EGFR: variants seen among roughly 807,000 people sequenced by gnomAD.
EGFR encodes the protein avian erythroblastic leukemia viral (v-erb-b) oncogene homolog.
In EGFR, 58 loss-of-function variants were observed where a neutral mutation model predicts 143.0. That is an observed-to-expected ratio of 0.41 (90% CI 0.33 to 0.50). EGFR has a LOEUF of 0.50. Ranked by LOEUF, EGFR falls within the 20% of genes least tolerant of loss-of-function variation. EGFR has a pLI of 0.39. For synonymous variants in EGFR, 613 were observed against 594.4 expected (o/e 1.03, Z -0.45); for missense variants, 1,307 against 1,579.0 (o/e 0.83, Z 2.92).
intron 1 of EGFR, 32 bp downstream of exon 1, chr7:55,019,397 C>CCCCCGGATCGCG: frequency 7.4e-7 from 1 of 1,348,930 alleles, no homozygotes; most frequent in South Asian, 1.6e-5. Context: ...TCCCGCGCCG[C>CCCCCGGATCGCG]CCCCGGATCG....
intron 1 of EGFR, 78 bp downstream of exon 1, chr7:55,019,443 G>A: frequency 3.2e-6 from 3 of 946,522 alleles, no homozygotes; most frequent in East Asian, 4.9e-5. Context: ...ACCGCGCACC[G>A]GCGCACCGGC....
intron 1 of EGFR, among the ~76,000 whole-genome samples, chr7:55,079,784 C>T (rs893930425): frequency 3.3e-5 from 5 of 151,944 alleles, no homozygotes; most frequent in Non-Finnish European, 7.4e-5. Flanking sequence ...CCCAGTAGTC[C>T]GTGAAAATCC....
intron 22 of EGFR, among the ~76,000 whole-genome samples, chr7:55,196,810 G>A (rs971844130): frequency 6.6e-6 from 1 of 150,858 alleles, no homozygotes; most frequent in Middle Eastern, 3.4e-3. Flanking sequence ...CTTTGTCAAC[G>A]ATCACATGGT....
intron 22 of EGFR, among the ~76,000 whole-genome samples, chr7:55,196,800 C>A: frequency 6.7e-6 from 1 of 148,866 alleles, no homozygotes; most frequent in East Asian, 2.0e-4. Flanking sequence ...TTTTTGTCAA[C>A]TTTGTCAACG....
chr7:55,157,124 A>C (rs899994356), intron 10 of EGFR, among the ~76,000 whole-genome samples: 20 of 152,068 alleles, frequency 1.3e-4, no homozygotes, highest in Admixed American at 2.6e-4. Flanking sequence ...GGGAGGGGAC[A>C]GGGGTAGGTG....
intron 1 of EGFR, among the ~76,000 whole-genome samples, chr7:55,033,967 A>G (rs1787413964): frequency 6.6e-6 from 1 of 152,038 alleles, no homozygotes; most frequent in Non-Finnish European, 1.5e-5. Context: ...GACGACTGTG[A>G]CTGGCCCATT....
chr7:55,059,000 A>C (rs1012459286), intron 1 of EGFR, among the ~76,000 whole-genome samples: 13 of 152,214 alleles, frequency 8.5e-5, no homozygotes, highest in Non-Finnish European at 1.3e-4. Context: ...GAAAAATCTG[A>C]ATTGTAATCC....
chr7:55,105,711 T>C (rs1198709096), intron 1 of EGFR, among the ~76,000 whole-genome samples: 3 of 152,196 alleles, frequency 2.0e-5, no homozygotes, highest in Non-Finnish European at 4.4e-5. Flanking sequence ...AAAACATCAG[T>C]CTAATCAGGG....
intron 1 of EGFR, among the ~76,000 whole-genome samples, chr7:55,123,025 G>A (rs1237201866): frequency 6.6e-6 from 1 of 152,238 alleles, no homozygotes; most frequent in Non-Finnish European, 1.5e-5. Flanking sequence ...TAATTCACAT[G>A]GTGGGATATT....
At chr7:55,071,777 T>C (rs1789847653) in intron 1 of EGFR, among the ~76,000 whole-genome samples, 1 of 152,242 alleles carries the variant, frequency 6.6e-6, no homozygotes, top group South Asian at 2.1e-4. Context: ...CAAATTATAT[T>C]TGAGAGAGAA....
At chr7:55,197,783 T>C (rs1170186926) in intron 22 of EGFR, among the ~76,000 whole-genome samples, 1 of 152,252 alleles carries the variant, frequency 6.6e-6, no homozygotes, top group African/African-American at 2.4e-5. Flanking sequence ...TAGTTCTGTT[T>C]GTGTGGTGAA....
chr7:55,132,215 G>A (rs1358564481), intron 1 of EGFR, among the ~76,000 whole-genome samples: 1 of 152,142 alleles, frequency 6.6e-6, no homozygotes, highest in Non-Finnish European at 1.5e-5. Context: ...TCTTGGGCTA[G>A]GGGTGGATAT....
Position 55,145,792 on chromosome 7 carries a change from G to T in EGFR, c.425-814G>T, listed in dbSNP as rs148680563. Among the ~76,000 whole-genome samples the T allele has an allele frequency of 2.6e-3, 394 of 152,268 alleles. 3 individuals are homozygous for T. The highest frequency in any genetic ancestry group is 9.0e-3 in the African/African-American group (374 of 41,546). On this transcript the variant is annotated intron_variant, in intron 3 of 27. Transcript: ENST00000275493. ...AAGGTACCCAGCCTCACTGTGTCAG[G>T]GTCTCCCTGGGCATGAGGTGGTTAG...
chr7:55,082,782 T>G (rs1790536580), intron 1 of EGFR, among the ~76,000 whole-genome samples: 1 of 152,212 alleles, frequency 6.6e-6, no homozygotes, highest in South Asian at 2.1e-4. Context: ...CTTAAGAAGC[T>G]GCAGATTTAT....
intron 22 of EGFR, among the ~76,000 whole-genome samples, chr7:55,198,238 G>A (rs1054805492): frequency 2.0e-5 from 3 of 152,222 alleles, no homozygotes; most frequent in Admixed American, 1.3e-4. Context: ...TTTATCAAAT[G>A]GAACTTAAGC....
At chr7:55,136,003 C>T (rs1314325951) in intron 1 of EGFR, among the ~76,000 whole-genome samples, 1 of 151,926 alleles carries the variant, frequency 6.6e-6, no homozygotes, top group African/African-American at 2.4e-5. Flanking sequence ...ATAAGAAAAA[C>T]ACCCAGAAAT....
At chr7:55,153,985 C>T (rs748680475) in intron 6 of EGFR, 26 bp from the exon 7 acceptor site, 1 of 1,614,164 alleles carries the variant, frequency 6.2e-7, no homozygotes, top group African/African-American at 1.3e-5. Context: ...ACCTCACTTG[C>T]CCAGCGTGTC....
intron 1 of EGFR, among the ~76,000 whole-genome samples, chr7:55,091,621 G>A (rs1302449220): frequency 1.3e-5 from 2 of 152,190 alleles, no homozygotes; most frequent in Non-Finnish European, 2.9e-5. Flanking sequence ...TTGGTGGAAA[G>A]AGTTCCATTA....
chr7:55,165,238 A>G, intron 14 of EGFR, 42 bp from the exon 15 acceptor site: 1 of 1,613,550 alleles, frequency 6.2e-7, no homozygotes, highest in East Asian at 2.2e-5. Context: ...GAAAGAGAAA[A>G]GAAAGAGACA....
Sources: gnomAD v4.1 joint callset for allele counts (sites outside exome capture counted in the v4.1 genomes callset) on GRCh38, gnomAD v4.1.1 for gene constraint, MANE v1.5 for transcripts, NCBI Gene and HGNC (gene_info 2026-07-23, HGNC 2026-07-21) for gene names.